Variants in APP observed in about 807,000 individuals in gnomAD.
APP encodes amyloid beta precursor protein.
APP carries 31 observed loss-of-function variants against 101.4 expected under a neutral mutation model. The ratio of observed to expected loss-of-function variants is 0.31; its 90% CI spans 0.23 to 0.41. The LOEUF is 0.41. APP is among the 10% of genes least tolerant of loss of function. The pLI is 1.00. For missense variants in APP, 839 were observed against 1,003.7 expected, an observed-to-expected ratio of 0.84 and a Z score of 2.22; for synonymous variants, 366 against 364.4, an observed-to-expected ratio of 1.00 and a Z score of -0.05.
chr21:25,904,002 C>T (rs914645550), intron 15 of APP, among the ~76,000 whole-genome samples: 11 of 149,722 alleles, frequency 7.3e-5, no homozygotes, highest in Non-Finnish European at 1.5e-4. Flanking sequence ...GTCTCCTGGT[C>T]TGCTGCTGAC....
chr21:26,007,112 C>T (rs1461378302), intron 6 of APP, among the ~76,000 whole-genome samples: 1 of 151,886 alleles, frequency 6.6e-6, no homozygotes, highest in African/African-American at 2.4e-5. Flanking sequence ...CCATACTCTA[C>T]AAGAATATCT....
chr21:25,909,488 G>A (rs376423153), intron 14 of APP, among the ~76,000 whole-genome samples: 2 of 152,130 alleles, frequency 1.3e-5, no homozygotes, highest in Non-Finnish European at 2.9e-5. Context: ...CCTAGGCAAT[G>A]TAATAGCTGC....
Position 26,107,611 on chromosome 21 carries a change from CTT to C in APP, c.225+4366_225+4367del, listed in dbSNP as rs911986603. Among the ~76,000 whole-genome samples the C allele has an allele frequency of 4.6e-5, 7 of 152,222 alleles. No individual in the cohort carries two copies. The East Asian group carries it at 5.8e-4, about 13-fold the overall frequency. Reference sequence around the variant, plus strand: ...ATCTCCCTCATGGGGAATCGTCTCTCTTTGTTTGCCTTCAATGCTGCAATTCC... The same window carrying C: ...ATCTCCCTCATGGGGAATCGTCTCTCTGTTTGCCTTCAATGCTGCAATTCC... On this transcript the variant is annotated intron_variant, in intron 2 of 17. Coordinates refer to ENST00000346798, the MANE Select transcript of APP (RefSeq NM_000484.4).
At chr21:26,111,006 C>A (rs1488499782) in intron 2 of APP, among the ~76,000 whole-genome samples, 1 of 130,626 alleles carries the variant, frequency 7.7e-6, no homozygotes, top group Non-Finnish European at 1.6e-5. Flanking sequence ...ATAGTAACAG[C>A]AAAAAGACTA....
At chr21:26,112,276 C>A in intron 1 of APP, 130 bp from the exon 2 acceptor site, 1 of 916,936 alleles carries the variant, frequency 1.1e-6, no homozygotes, top group South Asian at 1.4e-5. Context: ...GCCCGGTCTT[C>A]AACACTCCTT....
intron 13 of APP, among the ~76,000 whole-genome samples, chr21:25,948,193 C>A: frequency 6.7e-6 from 1 of 148,952 alleles, no homozygotes. Flanking sequence ...CCTTGACTAA[C>A]AATTACACAT....
intron 17 of APP, among the ~76,000 whole-genome samples, chr21:25,885,208 C>CT (rs2037244822): frequency 1.3e-5 from 2 of 152,180 alleles, no homozygotes; most frequent in African/African-American, 4.8e-5. Flanking sequence ...ATGCGAAAAT[C>CT]TGAGTACTCA....
intron 13 of APP, among the ~76,000 whole-genome samples, chr21:25,940,580 T>C (rs1601464429): frequency 6.6e-6 from 1 of 152,236 alleles, no homozygotes; most frequent in African/African-American, 2.4e-5. Context: ...TTATCAGATA[T>C]GCATGCATTT....
chr21:25,971,404 G>T (rs2042028391), intron 11 of APP, among the ~76,000 whole-genome samples: 1 of 152,188 alleles, frequency 6.6e-6, no homozygotes, highest in South Asian at 2.1e-4. Flanking sequence ...TCCTGAAAAG[G>T]GGAAACAAAT....
At chr21:25,952,225 C>CACACACACAT (rs1555901901) in intron 13 of APP, among the ~76,000 whole-genome samples, 1 of 151,018 alleles carries the variant, frequency 6.6e-6, no homozygotes, top group African/African-American at 2.4e-5. Context: ...CACACACACA[C>CACACACACAT]ATTAAGAGCA....
intron 3 of APP, among the ~76,000 whole-genome samples, chr21:26,076,816 C>A (rs2061505156): frequency 6.6e-6 from 1 of 152,192 alleles, no homozygotes; most frequent in Non-Finnish European, 1.5e-5. Context: ...GTAATCCCGG[C>A]ACTTTGGGAG....
rs2063667474 is a variant in APP at position 26,168,575 on chromosome 21, A to T, written c.57+1989T>A. ...GCTTCCTCTTTTTATACAGAAAGAA[A>T]TATTGCTCAACAAAGTTACATATTT... On this transcript the variant is annotated intron_variant, in intron 1 of 17. Coordinates refer to ENST00000346798, the MANE Select transcript of APP (RefSeq NM_000484.4). Among the ~76,000 whole-genome samples, 5 of 151,364 alleles carry T rather than the reference A, an allele frequency of 3.3e-5. No homozygotes were observed. The South Asian group carries it at 1.0e-3, about 31-fold the overall frequency.
intron 17 of APP, among the ~76,000 whole-genome samples, chr21:25,891,314 T>C (rs1313713240): frequency 6.6e-6 from 1 of 152,150 alleles, no homozygotes; most frequent in African/African-American, 2.4e-5. Context: ...ACAAAAGAAA[T>C]CCAAGAATAA....
chr21:25,925,184 CT>C (rs5843182), intron 13 of APP, among the ~76,000 whole-genome samples: 152,215 of 152,216 alleles, frequency 1, 76,107 homozygotes, highest in Non-Finnish European at 1. Flanking sequence ...CGGTCACCCA[CT>C]TCCAGCTAGG....
chr21:26,170,773 A>C (rs1029857969), upstream of APP: 13 of 813,594 alleles, frequency 1.6e-5, no homozygotes, highest in Non-Finnish European at 1.9e-5. Context: ...AAACTGACGG[A>C]GCCCGAGCGC....
chr21:26,127,545 A>G (rs893187392), intron 1 of APP, among the ~76,000 whole-genome samples: 1 of 152,236 alleles, frequency 6.6e-6, no homozygotes, highest in Non-Finnish European at 1.5e-5. Context: ...GGTCTAATCC[A>G]TCACTGTCTA....
chr21:26,017,213 A>AAAAAAC (rs2044131368), intron 6 of APP, among the ~76,000 whole-genome samples: 1 of 149,802 alleles, frequency 6.7e-6, no homozygotes, highest in African/African-American at 2.5e-5. Context: ...AAAAAAAAAA[A>AAAAAAC]AAAAATTCTT....
chr21:26,152,483 GA>G (rs1469137924), intron 1 of APP, among the ~76,000 whole-genome samples: 1 of 151,882 alleles, frequency 6.6e-6, no homozygotes, highest in African/African-American at 2.4e-5. Flanking sequence ...TTAATGTTAA[GA>G]AATAAAATGT....
intron 8 of APP, among the ~76,000 whole-genome samples, chr21:25,991,674 A>G (rs73163745): frequency 0.32 from 48,124 of 152,126 alleles, 8,778 homozygotes; most frequent in African/African-American, 0.5. Context: ...CACTGCACCC[A>G]GCTGCTGGCT....
Sources: allele counts gnomAD v4.1 joint callset (sites outside exome capture counted in the v4.1 genomes callset), GRCh38; gene constraint gnomAD v4.1.1; transcripts MANE v1.5; gene names NCBI Gene and HGNC (gene_info 2026-07-23, HGNC 2026-07-21).